The following SHISA6 variants were observed in gnomAD, a reference collection of about 807,000 sequenced individuals.
SHISA6 encodes the protein shisa family member 6.
Under a neutral mutation model 47.9 loss-of-function variants are expected in SHISA6, and 22 were observed. The observed-to-expected ratio is 0.46, with a 90% CI of 0.33 to 0.66. SHISA6 has a LOEUF of 0.66. SHISA6 is among the 30% of genes least tolerant of loss of function. SHISA6 has a pLI of 0.02. For synonymous variants in SHISA6, 388 were observed against 337.8 expected (o/e 1.15, Z -1.63); for missense variants, 680 against 764.6 (o/e 0.89, Z 1.30).
intron 3 of SHISA6, among the ~76,000 whole-genome samples, chr17:11,472,148 T>G (rs532457501): frequency 1.3e-5 from 2 of 152,334 alleles, no homozygotes; most frequent in South Asian, 4.1e-4. Flanking sequence ...CATGGTTTTT[T>G]GTTTTCTGGA....
Position 11,503,020 on chromosome 17 carries a change from T to C in SHISA6, c.896-48876T>C, listed in dbSNP as rs528774962. 1.7e-3 allele frequency among the ~76,000 whole-genome samples: 254 copies of C among 152,322 alleles called. 2 individuals are homozygous for C. Among genetic ancestry groups the C allele is most frequent in the African/African-American group, 5.7e-3 (235 of 41,582 alleles). On this transcript the variant is annotated intron_variant, in intron 3 of 5. Transcript: ENST00000441885. ...AAACTGGATTACCTTTGATCAACCA[T>C]GTACTTTTTCTTTTATTTCTCCTTC...
At chr17:11,270,249 C>T (rs1004237689) in intron 2 of SHISA6, among the ~76,000 whole-genome samples, 6 of 152,262 alleles carry the variant, frequency 3.9e-5, no homozygotes, top group African/African-American at 1.4e-4. Flanking sequence ...GCTGGGATTA[C>T]AGGCGTGAGC....
chr17:11,283,445 C>T (rs1227837446), intron 2 of SHISA6, among the ~76,000 whole-genome samples: 2 of 152,172 alleles, frequency 1.3e-5, no homozygotes, highest in Non-Finnish European at 2.9e-5. Flanking sequence ...TTTCTCCATC[C>T]TGCCTCTATT....
rs74468692 is a variant in SHISA6 at position 11,339,165 on chromosome 17, TA to T, written c.800-40234del. On this transcript the variant is annotated intron_variant, in intron 2 of 5. Coordinates refer to ENST00000441885, the MANE Select transcript of SHISA6 (RefSeq NM_207386.4). ...TGTACCCTAGAACTTAAAGTATGATTAAAAAAAAAAAAAAAGAAAACCACGA... is the reference window on the plus strand; with the variant it reads ...TGTACCCTAGAACTTAAAGTATGATTAAAAAAAAAAAAAAGAAAACCACGA... Among the ~76,000 whole-genome samples, 877 of 136,806 alleles carry T rather than the reference TA, an allele frequency of 6.4e-3. 5 individuals are homozygous for T. The highest frequency in any genetic ancestry group is 0.012 in the African/African-American group (454 of 37,292). 89.8% of individuals were successfully genotyped at this position (136,806 alleles called of 152,430 possible). A position where few individuals can be genotyped will look rare whatever the true frequency, so the allele number is the denominator to read the frequency against.
At chr17:11,407,447 G>A (rs2142269307) in intron 3 of SHISA6, among the ~76,000 whole-genome samples, 1 of 151,896 alleles carries the variant, frequency 6.6e-6, no homozygotes, top group South Asian at 2.1e-4. Context: ...GGACCATCAG[G>A]GTTCTCTATC....
intron 3 of SHISA6, among the ~76,000 whole-genome samples, chr17:11,440,809 T>C (rs950673856): frequency 3.3e-5 from 5 of 151,896 alleles, no homozygotes; most frequent in Non-Finnish European, 7.4e-5. Context: ...GAGTTAATAA[T>C]AGGAGATGTG....
chr17:11,533,022 G>A (rs1427094787), intron 3 of SHISA6, among the ~76,000 whole-genome samples: 1 of 152,140 alleles, frequency 6.6e-6, no homozygotes, highest in Non-Finnish European at 1.5e-5. Context: ...TGCCTTTGCT[G>A]CTGAGCTGTG....
At chr17:11,260,107 C>A (rs1239209420) in intron 1 of SHISA6, among the ~76,000 whole-genome samples, 1 of 151,956 alleles carries the variant, frequency 6.6e-6, no homozygotes, top group Non-Finnish European at 1.5e-5. Context: ...TACACAATAC[C>A]AAGTACTGAA....
At chr17:11,250,040 G>C (rs748267248) in intron 1 of SHISA6, among the ~76,000 whole-genome samples, 3 of 152,220 alleles carry the variant, frequency 2.0e-5, no homozygotes, top group Non-Finnish European at 4.4e-5. Flanking sequence ...TCAGGCAGGT[G>C]GTGGAGGTCC....
At chr17:11,262,745 T>G (rs564720104) in intron 1 of SHISA6, among the ~76,000 whole-genome samples, 1 of 152,216 alleles carries the variant, frequency 6.6e-6, no homozygotes, top group Non-Finnish European at 1.5e-5. Context: ...TTCCTGTGTA[T>G]TTTTCCCCTG....
At chr17:11,317,051 C>G (rs904255297) in intron 2 of SHISA6, among the ~76,000 whole-genome samples, 2 of 151,994 alleles carry the variant, frequency 1.3e-5, no homozygotes, top group Non-Finnish European at 2.9e-5. Flanking sequence ...ATATTTTTTT[C>G]TGGCTTAATG....
At chr17:11,407,889 GTCC>G in intron 3 of SHISA6, among the ~76,000 whole-genome samples, 1 of 152,180 alleles carries the variant, frequency 6.6e-6, no homozygotes, top group Non-Finnish European at 1.5e-5. Flanking sequence ...AAATGCGTCT[GTCC>G]TCATCACTGC....
At position 11,418,207 on chromosome 17, in the gene SHISA6, T is replaced by TA. The variant is rs1914341304; in HGVS notation, c.895+38698_895+38699insA. Among the ~76,000 whole-genome samples, 8 of 152,142 alleles carry TA rather than the reference T, an allele frequency of 5.3e-5. 1 individual carries two copies. In the South Asian group the frequency reaches 8.3e-4, roughly 16 times the overall value. On this transcript the variant is annotated intron_variant, in intron 3 of 5. Transcript: ENST00000441885. ...TAATTGTTATGATGGAGAATTTTTT[T>TA]TAAAAAAATCTTGGTGTCCAAGTTT...
At chr17:11,430,810 A>T (rs1226274369) in intron 3 of SHISA6, among the ~76,000 whole-genome samples, 1 of 152,210 alleles carries the variant, frequency 6.6e-6, no homozygotes, top group Non-Finnish European at 1.5e-5. Context: ...AATGCTTCTT[A>T]CTTTGGAACA....
At chr17:11,509,203 C>T (rs2071523747) in intron 3 of SHISA6, among the ~76,000 whole-genome samples, 1 of 152,182 alleles carries the variant, frequency 6.6e-6, no homozygotes, top group Non-Finnish European at 1.5e-5. Context: ...CAACCCTGGG[C>T]ATGGGCAGAA....
intron 3 of SHISA6, among the ~76,000 whole-genome samples, chr17:11,434,064 C>CTTTTTTT (rs1367652038): frequency 2.9e-5 from 4 of 138,054 alleles, no homozygotes; most frequent in Non-Finnish European, 6.3e-5. Context: ...TTTTTTCTCT[C>CTTTTTTT]TTTTTTTTTT....
intron 3 of SHISA6, among the ~76,000 whole-genome samples, chr17:11,441,534 A>G (rs574100330): frequency 2.6e-5 from 4 of 152,350 alleles, no homozygotes; most frequent in African/African-American, 7.2e-5. Context: ...AAACATTTTA[A>G]GAGTCACTTT....
intron 3 of SHISA6, among the ~76,000 whole-genome samples, chr17:11,388,839 T>TATATATATATA (rs1555532195): frequency 4.9e-5 from 5 of 102,280 alleles, no homozygotes; most frequent in African/African-American, 2.2e-4. Flanking sequence ...TATATATATA[T>TATATATATATA]ATTTTAAAAA....
intron 2 of SHISA6, among the ~76,000 whole-genome samples, chr17:11,295,730 G>A (rs1217482712): frequency 6.6e-6 from 1 of 152,096 alleles, no homozygotes; most frequent in African/African-American, 2.4e-5. Flanking sequence ...TTGGGAGGCT[G>A]AGGCAGGCAG....
Sources: gnomAD v4.1 joint callset for allele counts (sites outside exome capture counted in the v4.1 genomes callset) on GRCh38, gnomAD v4.1.1 for gene constraint, MANE v1.5 for transcripts, NCBI Gene and HGNC (gene_info 2026-07-23, HGNC 2026-07-21) for gene names.